GPC5: variants seen among roughly 807,000 people sequenced by gnomAD.
The protein encoded by GPC5 is glypican 5.
In GPC5, 47 loss-of-function variants were observed where a neutral mutation model predicts 53.9. The observed-to-expected ratio is 0.87, with a 90% CI of 0.69 to 1.11. The LOEUF is 1.11. GPC5 is among the 50% of genes most tolerant of loss of function. The pLI is 0.00. For missense variants in GPC5, 748 were observed against 713.1 expected, an observed-to-expected ratio of 1.05 and a Z score of -0.56; for synonymous variants, 286 against 263.3, an observed-to-expected ratio of 1.09 and a Z score of -0.84.
chr13:92,861,809 TTTTG>T (rs1879194027), intron 7 of GPC5, among the ~76,000 whole-genome samples: 1 of 152,192 alleles, frequency 6.6e-6, no homozygotes, highest in Non-Finnish European at 1.5e-5. Context: ...GACCTATATA[TTTTG>T]TTTACTTCCT....
intron 1 of GPC5, among the ~76,000 whole-genome samples, chr13:91,444,190 G>A (rs1275896803): frequency 6.6e-6 from 1 of 151,880 alleles, no homozygotes; most frequent in African/African-American, 2.4e-5. Flanking sequence ...TTCTAGTAAG[G>A]CTTCATTTAG....
chr13:91,927,786 G>A (rs2039783104), intron 6 of GPC5, among the ~76,000 whole-genome samples: 1 of 152,120 alleles, frequency 6.6e-6, no homozygotes, highest in African/African-American at 2.4e-5. Context: ...GGTATAGATA[G>A]GCATTGCAGA....
chr13:92,217,199 G>A (rs752669584), intron 7 of GPC5, among the ~76,000 whole-genome samples: 2 of 152,036 alleles, frequency 1.3e-5, no homozygotes, highest in Non-Finnish European at 2.9e-5. Context: ...ACTAGTTTAC[G>A]CCACTCATAT....
At chr13:92,862,799 C>T (rs1011898587) in intron 7 of GPC5, among the ~76,000 whole-genome samples, 3 of 152,166 alleles carry the variant, frequency 2.0e-5, no homozygotes, top group Admixed American at 6.5e-5. Flanking sequence ...ACAATGTATA[C>T]GTTCTTGTCC....
intron 7 of GPC5, among the ~76,000 whole-genome samples, chr13:92,785,057 A>G (rs1241318714): frequency 2.0e-5 from 3 of 152,042 alleles, no homozygotes; most frequent in Admixed American, 1.3e-4. Flanking sequence ...CGTGTGGATC[A>G]CTTGAGGTCA....
At chr13:92,421,717 A>G (rs917806827) in intron 7 of GPC5, among the ~76,000 whole-genome samples, 7 of 151,272 alleles carry the variant, frequency 4.6e-5, no homozygotes, top group Non-Finnish European at 1.0e-4. Context: ...AAAAAAAAAA[A>G]AAAGTTTAAT....
intron 7 of GPC5, among the ~76,000 whole-genome samples, chr13:92,697,538 T>A (rs1234655202): frequency 6.6e-6 from 1 of 152,222 alleles, no homozygotes; most frequent in African/African-American, 2.4e-5. Flanking sequence ...TTTTGCACAT[T>A]GATTGTCTAT....
intron 7 of GPC5, among the ~76,000 whole-genome samples, chr13:92,413,588 G>C (rs1876143721): frequency 6.6e-6 from 1 of 152,166 alleles, no homozygotes; most frequent in Non-Finnish European, 1.5e-5. Flanking sequence ...GGAATAGTGG[G>C]ACAGATAAGA....
At chr13:91,989,741 T>C (rs2040440208) in intron 6 of GPC5, among the ~76,000 whole-genome samples, 1 of 152,188 alleles carries the variant, frequency 6.6e-6, no homozygotes, top group African/African-American at 2.4e-5. Flanking sequence ...GCAATTACTA[T>C]TTTGCAAGAA....
At chr13:91,624,483 G>A (rs1443195417) in intron 2 of GPC5, among the ~76,000 whole-genome samples, 1 of 151,996 alleles carries the variant, frequency 6.6e-6, no homozygotes, top group African/African-American at 2.4e-5. Flanking sequence ...TGTTTATTCT[G>A]AAATCAGATC....
chr13:91,904,724 A>G (rs1173153067), intron 5 of GPC5, among the ~76,000 whole-genome samples: 1 of 152,094 alleles, frequency 6.6e-6, no homozygotes, highest in Non-Finnish European at 1.5e-5. Context: ...TTCCTATGAG[A>G]GAAAATGGAG....
chr13:92,570,108 T>G (rs9584041), intron 7 of GPC5, among the ~76,000 whole-genome samples: 9,024 of 152,226 alleles, frequency 0.059, 778 homozygotes, highest in African/African-American at 0.19. Context: ...AGACAATGTT[T>G]TATACATGCT....
intron 6 of GPC5, among the ~76,000 whole-genome samples, chr13:92,049,105 C>T (rs113356593): frequency 7.4e-4 from 113 of 152,130 alleles, no homozygotes; most frequent in African/African-American, 1.1e-3. Flanking sequence ...AGAAAAGTCA[C>T]GGAGGGATAG....
chr13:92,601,701 C>T (rs925408835), intron 7 of GPC5, among the ~76,000 whole-genome samples: 4 of 151,116 alleles, frequency 2.6e-5, no homozygotes, highest in Admixed American at 1.3e-4. Context: ...TAATAAAATG[C>T]TTTATATGAA....
intron 5 of GPC5, among the ~76,000 whole-genome samples, chr13:91,878,176 T>C: frequency 6.6e-6 from 1 of 152,210 alleles, no homozygotes; most frequent in South Asian, 2.1e-4. Flanking sequence ...GGATTTTGGA[T>C]TATTTTGAAG....
At chr13:92,347,383 T>C (rs2043422130) in intron 7 of GPC5, among the ~76,000 whole-genome samples, 2 of 152,076 alleles carry the variant, frequency 1.3e-5, no homozygotes, top group South Asian at 4.1e-4. Flanking sequence ...TGGGATGACA[T>C]ATTCAAAGTG....
At chr13:92,626,447 T>A (rs8001877) in intron 7 of GPC5, among the ~76,000 whole-genome samples, 70,860 of 151,788 alleles carry the variant, frequency 0.47, 17,178 homozygotes, top group East Asian at 0.69. Flanking sequence ...GTTTTAAATG[T>A]GGAGGGAATA....
intron 2 of GPC5, among the ~76,000 whole-genome samples, chr13:91,569,439 T>G (rs2031684166): frequency 6.6e-6 from 1 of 152,172 alleles, no homozygotes; most frequent in Admixed American, 6.6e-5. Context: ...AGATATACTC[T>G]ACATCAGTTT....
chr13:91,591,326 C>T (rs1421206233), intron 2 of GPC5, among the ~76,000 whole-genome samples: 4 of 152,116 alleles, frequency 2.6e-5, no homozygotes, highest in African/African-American at 9.7e-5. Context: ...GATGGGGTTC[C>T]ATCTATATCT....
Sources: gnomAD v4.1 joint callset for allele counts (sites outside exome capture counted in the v4.1 genomes callset) on GRCh38, gnomAD v4.1.1 for gene constraint, MANE v1.5 for transcripts, NCBI Gene and HGNC (gene_info 2026-07-23, HGNC 2026-07-21) for gene names.